VPS13B: variants seen among roughly 807,000 people sequenced by gnomAD.
VPS13B encodes vacuolar protein sorting 13 homolog B, also known as intermembrane lipid transfer protein VPS13B.
VPS13B carries 285 observed loss-of-function variants against 426.4 expected under a neutral mutation model. The ratio of observed to expected loss-of-function variants is 0.67; its 90% CI spans 0.61 to 0.74. The LOEUF (loss-of-function observed/expected upper bound fraction) is 0.74, where lower values mean the gene tolerates loss of function less well. Among genes scored for constraint, VPS13B ranks in the 30% least tolerant of loss-of-function variants. The pLI, the probability that VPS13B is intolerant of heterozygous loss-of-function variation, is 0.00. For synonymous variants in VPS13B, 1,676 were observed against 1,676.4 expected, an observed-to-expected ratio of 1.00 and a Z score of 0.01; for missense variants, 4,537 against 4,782.6, an observed-to-expected ratio of 0.95 and a Z score of 1.51.
chr8:99,627,617 C>T (rs927129833), intron 33 of VPS13B, among the ~76,000 whole-genome samples: 1 of 152,128 alleles, frequency 6.6e-6, no homozygotes, highest in African/African-American at 2.4e-5. Context: ...CTCCTGACCT[C>T]ATGTGATCTG....
chr8:99,560,454 A>G (rs1471350275), intron 31 of VPS13B, among the ~76,000 whole-genome samples: 1 of 152,186 alleles, frequency 6.6e-6, no homozygotes, highest in Non-Finnish European at 1.5e-5. Flanking sequence ...AATTACTTAT[A>G]TAACTACCTC....
chr8:99,694,733 A>C (rs1199186127), intron 35 of VPS13B, among the ~76,000 whole-genome samples: 4 of 151,850 alleles, frequency 2.6e-5, no homozygotes, highest in Non-Finnish European at 5.9e-5. Context: ...TGCACAGCAA[A>C]AGAAACCACC....
intron 39 of VPS13B, among the ~76,000 whole-genome samples, chr8:99,765,245 TAAAAG>T (rs1811157195): frequency 6.6e-6 from 1 of 152,160 alleles, no homozygotes; most frequent in Non-Finnish European, 1.5e-5. Context: ...ACTCTGTCTA[TAAAAG>T]AAAAGTTGTT....
intron 28 of VPS13B, among the ~76,000 whole-genome samples, chr8:99,510,287 A>T (rs1821716901): frequency 6.6e-6 from 1 of 151,652 alleles, no homozygotes; most frequent in African/African-American, 2.4e-5. Context: ...TGAAGGAAAA[A>T]CTCCATTTTC....
chr8:99,795,083 C>T lies in VPS13B; in HGVS notation c.7941+10607C>T, dbSNP rs191229663. Among the ~76,000 whole-genome samples the T allele has an allele frequency of 3.8e-3, 577 of 152,256 alleles. 2 individuals are homozygous for T. Among genetic ancestry groups the T allele is most frequent in the Non-Finnish European group, 7.0e-3 (475 of 68,014 alleles). On this transcript the variant is annotated intron_variant, in intron 43 of 61. Transcript: ENST00000357162. The stretch of plus-strand genomic sequence containing the variant: ...GCTAGGAACTTTCAAAATAGCAAAT[C>T]CTGGCTCCTTTTTATCTGACGGTCC...
intron 39 of VPS13B, among the ~76,000 whole-genome samples, chr8:99,765,643 G>A (rs1811180585): frequency 6.6e-6 from 1 of 152,188 alleles, no homozygotes; most frequent in South Asian, 2.1e-4. Flanking sequence ...GCCCCCAGGG[G>A]GATGCTCTGC....
At chr8:99,312,493 G>T (rs1389554238) in intron 19 of VPS13B, among the ~76,000 whole-genome samples, 4 of 152,116 alleles carry the variant, frequency 2.6e-5, no homozygotes, top group East Asian at 3.8e-4. Context: ...GTTGAATATT[G>T]GCCCCCACTC....
intron 34 of VPS13B, among the ~76,000 whole-genome samples, chr8:99,654,088 A>G (rs1381377902): frequency 6.6e-6 from 1 of 151,712 alleles, no homozygotes; most frequent in Admixed American, 6.6e-5. Flanking sequence ...TTGCTCTGTC[A>G]CCCAGGCTGG....
intron 3 of VPS13B, among the ~76,000 whole-genome samples, chr8:99,069,349 G>T (rs756880055): frequency 3.3e-5 from 5 of 152,170 alleles, no homozygotes; most frequent in African/African-American, 1.2e-4. Context: ...CAGGCAGATG[G>T]ATTGAGCCAG....
At chr8:99,736,322 C>T (rs575276547) in intron 39 of VPS13B, among the ~76,000 whole-genome samples, 1 of 152,198 alleles carries the variant, frequency 6.6e-6, no homozygotes, top group Non-Finnish European at 1.5e-5. Context: ...CCTGTAATCT[C>T]AGCACTTTGG....
At position 99,877,214 on chromosome 8, in the gene VPS13B, T is replaced by C. The variant is rs549722856; in HGVS notation, c.*1548T>C. On this transcript the variant is annotated 3_prime_UTR_variant, in exon 62 of 62. Transcript: ENST00000357162. ...GGCATAAGAAGTCACTATATAATTG[T>C]TACTGGAAAGCAAGACTTAACGAAC... The C allele has an allele frequency of 2.6e-5, 4 of 152,554 alleles. No individual in the cohort carries two copies. The highest frequency in any genetic ancestry group is 4.8e-5 in the African/African-American group (2 of 41,546). 9.5% of individuals were successfully genotyped at this position (152,554 alleles called of 1,614,324 possible). A position where few individuals can be genotyped will look rare whatever the true frequency, so the allele number is the denominator to read the frequency against.
At chr8:99,590,547 A>G (rs1826586456) in intron 33 of VPS13B, among the ~76,000 whole-genome samples, 1 of 152,078 alleles carries the variant, frequency 6.6e-6, no homozygotes, top group Non-Finnish European at 1.5e-5. Context: ...CTTTGTTCTC[A>G]TTGGTTTCAA....
chr8:99,803,723 A>G (rs1813249511), intron 43 of VPS13B, among the ~76,000 whole-genome samples: 1 of 152,232 alleles, frequency 6.6e-6, no homozygotes, highest in African/African-American at 2.4e-5. Context: ...TGAAAAAGCA[A>G]TAATAAGCAA....
chr8:99,358,803 A>C (rs966001845), intron 19 of VPS13B, among the ~76,000 whole-genome samples: 2 of 152,330 alleles, frequency 1.3e-5, no homozygotes, highest in Admixed American at 6.5e-5. Context: ...CTTGATAACC[A>C]GGGAAAGATA....
intron 17 of VPS13B, among the ~76,000 whole-genome samples, chr8:99,226,982 C>T (rs1014687215): frequency 1.3e-5 from 2 of 152,056 alleles, no homozygotes; most frequent in Admixed American, 6.5e-5. Context: ...AGAACTTATA[C>T]CTTCTGTCTA....
intron 8 of VPS13B, among the ~76,000 whole-genome samples, chr8:99,122,160 C>T (rs569750696): frequency 9.9e-5 from 15 of 151,782 alleles, no homozygotes; most frequent in Admixed American, 7.2e-4. Flanking sequence ...CGCCCAGCCT[C>T]ATAACAAATT....
intron 59 of VPS13B, among the ~76,000 whole-genome samples, chr8:99,869,693 C>T (rs1035708507): frequency 6.6e-6 from 1 of 152,116 alleles, no homozygotes; most frequent in East Asian, 1.9e-4. Flanking sequence ...TGCCATTGTC[C>T]CTCACCGTGT....
chr8:99,254,921 A>G (rs1243304692), intron 17 of VPS13B, among the ~76,000 whole-genome samples: 1 of 152,064 alleles, frequency 6.6e-6, no homozygotes, highest in Non-Finnish European at 1.5e-5. Context: ...GGGATTACAG[A>G]GCCACTCTTT....
At chr8:99,714,508 A>G (rs1184570754) in intron 36 of VPS13B, among the ~76,000 whole-genome samples, 1 of 152,182 alleles carries the variant, frequency 6.6e-6, no homozygotes, top group African/African-American at 2.4e-5. Flanking sequence ...TATCTGCATA[A>G]TCTCCAAGTG....
Sources: gnomAD v4.1 joint callset for allele counts (sites outside exome capture counted in the v4.1 genomes callset) on GRCh38, gnomAD v4.1.1 for gene constraint, MANE v1.5 for transcripts, NCBI Gene and HGNC (gene_info 2026-07-23, HGNC 2026-07-21) for gene names.